Variants in C5orf58 observed in about 807,000 individuals in gnomAD.
C5orf58 encodes the protein putative uncharacterized protein C5orf58.
Under a neutral mutation model 2.9 loss-of-function variants are expected in C5orf58, and 2 were observed. That is an observed-to-expected ratio of 0.69 (90% CI 0.28 to 2.18). The LOEUF (loss-of-function observed/expected upper bound fraction) is 2.18. C5orf58 is among the 30% of genes most tolerant of loss of function. C5orf58 has a pLI of 0.13. For synonymous variants in C5orf58, 37 were observed against 33.4 expected (o/e 1.11, Z -0.37); for missense variants, 96 against 91.7 (o/e 1.05, Z -0.19).
chr5:170,248,757 A>G (rs776029437), downstream of C5orf58: 22 of 1,610,016 alleles, frequency 1.4e-5, no homozygotes, highest in Admixed American at 3.7e-4. Flanking sequence ...GGTTTTTCCC[A>G]TCAATGAGCA....
downstream of C5orf58, among the ~76,000 whole-genome samples, chr5:170,249,283 C>T (rs1354439220): frequency 2.0e-5 from 3 of 151,588 alleles, no homozygotes; most frequent in East Asian, 5.8e-4. Flanking sequence ...CGAGATTGCG[C>T]CATTGCCGCA....
intron 3 of C5orf58, among the ~76,000 whole-genome samples, chr5:170,241,991 T>C (rs1171501306): frequency 1.4e-5 from 2 of 147,664 alleles, no homozygotes; most frequent in Non-Finnish European, 3.0e-5. Context: ...GCATGAAGGG[T>C]TGTTGAATTT....
At chr5:170,244,098 A>G (rs1761142541) in intron 3 of C5orf58, among the ~76,000 whole-genome samples, 1 of 151,982 alleles carries the variant, frequency 6.6e-6, no homozygotes, top group Non-Finnish European at 1.5e-5. Context: ...AGAATGTTGA[A>G]TATTGGCCCC....
In C5orf58 at chr5:170,246,107, T is replaced by A. The variant is rs1311834325; in HGVS notation, c.240T>A (p.Ser80=). The A allele has an allele frequency of 6.2e-7, 1 of 1,608,152 alleles. No individual in the cohort carries two copies. The highest frequency in any genetic ancestry group is 1.7e-5 in the Admixed American group (1 of 59,010). Residue 80 remains serine, a synonymous_variant, in exon 4 of 4, where the codon TCT becomes TCA. Transcript: ENST00000593851. ...SDVSLVSNSF[S]I is the part of the protein sequence containing the mutation. ...TATCCCTTGTTTCTAACAGTTTTTC[T>A]ATCTGATTTCTTATTTGTTATGAGT... is the stretch of plus-strand genomic sequence containing the variant.
downstream of C5orf58, chr5:170,250,857 G>A: frequency 6.2e-7 from 1 of 1,613,530 alleles, no homozygotes; most frequent in Non-Finnish European, 8.5e-7. Flanking sequence ...TGTTTTTTTA[G>A]AGCTGTCTCT....
intron 3 of C5orf58, among the ~76,000 whole-genome samples, 196 bp from the exon 4 acceptor site, chr5:170,245,766 G>A (rs1278846820): frequency 1.3e-5 from 2 of 152,220 alleles, no homozygotes; most frequent in East Asian, 3.8e-4. Context: ...GTAGACCGGA[G>A]CTGTTCCTAT....
At chr5:170,250,950 G>A (rs947643046), downstream of C5orf58, 3 of 1,339,766 alleles carry the variant, frequency 2.2e-6, no homozygotes, top group African/African-American at 2.9e-5. Flanking sequence ...GCTTGTAAGA[G>A]TAGTAGACAA....
intron 3 of C5orf58, among the ~76,000 whole-genome samples, chr5:170,236,573 T>C (rs1230976767): frequency 6.6e-6 from 1 of 152,234 alleles, no homozygotes; most frequent in African/African-American, 2.4e-5. Context: ...GGATAAAGTC[T>C]AAACATCTTA....
chr5:170,252,488 G>A (rs183463652), downstream of C5orf58: 83 of 1,569,962 alleles, frequency 5.3e-5, no homozygotes, highest in African/African-American at 7.4e-4. Flanking sequence ...TATAAGAAAC[G>A]TACCACTCTT....
intron 3 of C5orf58, among the ~76,000 whole-genome samples, chr5:170,241,811 T>C (rs1421300786): frequency 6.6e-6 from 1 of 150,502 alleles, no homozygotes. Context: ...CTTCCAACAC[T>C]ATGTTGAATA....
chr5:170,246,271 G>T (rs1169709571), downstream of C5orf58: 5 of 616,132 alleles, frequency 8.1e-6, no homozygotes, highest in Admixed American at 1.6e-4. Context: ...TTGAAGAATG[G>T]CTTAACTTAC....
At chr5:170,237,786 A>G (rs1760804250) in intron 3 of C5orf58, among the ~76,000 whole-genome samples, 1 of 152,190 alleles carries the variant, frequency 6.6e-6, no homozygotes, top group Non-Finnish European at 1.5e-5. Context: ...ACTTGAGGTT[A>G]AAACAAGGAT....
chr5:170,233,921 TA>T (rs1291226062), intron 1 of C5orf58, 193 bp from the exon 2 acceptor site: 3 of 364,384 alleles, frequency 8.2e-6, no homozygotes, highest in Admixed American at 3.8e-5. Flanking sequence ...TTACTATTTT[TA>T]AAAAACTTTT....
downstream of C5orf58, among the ~76,000 whole-genome samples, chr5:170,249,941 G>A (rs1761395152): frequency 1.3e-5 from 2 of 152,112 alleles, no homozygotes; most frequent in African/African-American, 2.4e-5. Flanking sequence ...GCTCCTATAG[G>A]GTCTGTGCAG....
At chr5:170,234,279 A>G in intron 2 of C5orf58, 81 bp downstream of exon 2, 1 of 808,726 alleles carries the variant, frequency 1.2e-6, no homozygotes. Flanking sequence ...TGTGTATGCT[A>G]ATTGAGATGG....
downstream of C5orf58, chr5:170,247,544 C>T (rs1761326417): frequency 2.6e-5 from 4 of 152,172 alleles, no homozygotes; most frequent in Admixed American, 2.6e-4. Context: ...AAGGGAAAAA[C>T]TTGAAGAACA....
chr5:170,251,810 G>C (rs56860754), exon 3 of C5orf58: 41,665 of 329,342 alleles, frequency 0.13, 3,203 homozygotes, highest in African/African-American at 0.24. Flanking sequence ...CCCAGGAATC[G>C]GGATTTTTCA....
chr5:170,236,317 T>A (rs1392787913), intron 3 of C5orf58, among the ~76,000 whole-genome samples: 1 of 152,194 alleles, frequency 6.6e-6, no homozygotes, highest in African/African-American at 2.4e-5. Flanking sequence ...GACTTTGATC[T>A]GTGAACCCTG....
chr5:170,233,928 C>A, intron 1 of C5orf58, 187 bp from the exon 2 acceptor site: 1 of 365,412 alleles, frequency 2.7e-6, no homozygotes, highest in South Asian at 2.1e-5. Context: ...TTTTAAAAAA[C>A]TTTTGCCTTG....
Sources: allele counts gnomAD v4.1 joint callset (sites outside exome capture counted in the v4.1 genomes callset), GRCh38; gene constraint gnomAD v4.1.1; transcripts MANE v1.5; gene names NCBI Gene and HGNC (gene_info 2026-07-23, HGNC 2026-07-21).